The following NBEAL1 variants were observed in gnomAD, a reference collection of about 807,000 sequenced individuals.
NBEAL1 encodes the protein neurobeachin like 1.
A neutral mutation model predicts 351.3 loss-of-function variants in NBEAL1; 273 were observed. The observed-to-expected ratio is 0.78, with a 90% CI of 0.70 to 0.86. The LOEUF (loss-of-function observed/expected upper bound fraction) is 0.86. Ranked by LOEUF, NBEAL1 falls within the 40% of genes least tolerant of loss-of-function variation. The pLI is 0.00. For synonymous variants in NBEAL1, 1,050 were observed against 1,086.4 expected (o/e 0.97, Z 0.66); for missense variants, 2,961 against 3,201.3 (o/e 0.92, Z 1.81).
At chr2:203,018,213 G>A (rs1174092168) in intron 2 of NBEAL1, among the ~76,000 whole-genome samples, 1 of 150,030 alleles carries the variant, frequency 6.7e-6, no homozygotes, top group Admixed American at 6.6e-5. Flanking sequence ...TCTCACTCTA[G>A]CATTTAGCCT....
chr2:203,133,989 A>C (rs1185169749), intron 27 of NBEAL1, among the ~76,000 whole-genome samples: 1 of 152,060 alleles, frequency 6.6e-6, no homozygotes, highest in African/African-American at 2.4e-5. Flanking sequence ...TGCTGTTATG[A>C]ATGTCTTTTT....
chr2:203,123,262 G>C (rs1257412002), intron 19 of NBEAL1, among the ~76,000 whole-genome samples: 1 of 151,278 alleles, frequency 6.6e-6, no homozygotes. Context: ...TTAATTTCAT[G>C]TTATTCATGA....
At chr2:203,202,227 T>C (rs1026801272) in intron 50 of NBEAL1, among the ~76,000 whole-genome samples, 3 of 152,212 alleles carry the variant, frequency 2.0e-5, no homozygotes, top group African/African-American at 7.2e-5. Context: ...AATCCTAAGA[T>C]AACACTTACG....
rs2065431279 is a variant in NBEAL1, at chr2:203,202,620, A to G, written c.7412-67A>G. 3 of 885,838 alleles carry G rather than the reference A, an allele frequency of 3.4e-6. No individual in the cohort carries two copies. In the Admixed American group the frequency reaches 5.3e-5, roughly 16 times the overall value. 54.9% of individuals were successfully genotyped at this position (885,838 alleles called of 1,614,324 possible). A position where few individuals can be genotyped will look rare whatever the true frequency, so the allele number is the denominator to read the frequency against. On this transcript the variant is annotated intron_variant, in intron 50 of 55. Transcript: ENST00000683969. Reference sequence around the variant, plus strand: ...TAGGAATAGTTTGAACATTAACAAAAATTGCTCTTAAAGTTCTATTTTAGC... The same window carrying G: ...TAGGAATAGTTTGAACATTAACAAAGATTGCTCTTAAAGTTCTATTTTAGC...
intron 10 of NBEAL1, among the ~76,000 whole-genome samples, chr2:203,095,201 T>C (rs1248822082): frequency 6.6e-6 from 1 of 152,190 alleles, no homozygotes; most frequent in Non-Finnish European, 1.5e-5. Flanking sequence ...CATTACCTAG[T>C]CTTTACAGCT....
At chr2:203,213,007 G>A (rs1227042683) in intron 54 of NBEAL1, among the ~76,000 whole-genome samples, 1 of 152,102 alleles carries the variant, frequency 6.6e-6, no homozygotes, top group Non-Finnish European at 1.5e-5. Flanking sequence ...GTTTTAGGAA[G>A]AACACTAAGG....
chr2:203,109,810 G>A (rs539763466), intron 14 of NBEAL1, among the ~76,000 whole-genome samples: 21 of 152,208 alleles, frequency 1.4e-4, no homozygotes, highest in African/African-American at 2.2e-4. Flanking sequence ...ATGAGCCACC[G>A]CGCCTGGCCT....
rs1334304964 is a variant in NBEAL1 at position 203,180,394 on chromosome 2, A to AG, written c.6478dup (p.Asp2160GlyfsTer17). 1.2e-6 allele frequency: 2 copies of AG among 1,610,376 alleles called. No individual in the cohort carries two copies. The highest frequency in any genetic ancestry group is 2.7e-5 in the African/African-American group (2 of 74,794). On this transcript the variant is annotated frameshift_variant, in exon 43 of 56. Transcript: ENST00000683969. LOFTEE classifies it high-confidence loss of function. ...TTTCTACATGCAGGTTTGACTGTGCAGATCGACAGTTCCATTCTATTCCTG... is the reference window on the plus strand; with the variant it reads ...TTTCTACATGCAGGTTTGACTGTGCAGGATCGACAGTTCCATTCTATTCCTG...
chr2:203,030,649 A>G (rs1252190808), intron 2 of NBEAL1, among the ~76,000 whole-genome samples: 1 of 152,206 alleles, frequency 6.6e-6, no homozygotes, highest in Non-Finnish European at 1.5e-5. Flanking sequence ...TTCAGGGGAA[A>G]GTGCATGAGT....
intron 53 of NBEAL1, among the ~76,000 whole-genome samples, chr2:203,209,956 G>C (rs937137385): frequency 6.6e-6 from 1 of 151,956 alleles, no homozygotes; most frequent in African/African-American, 2.4e-5. Context: ...TCCCTACGTT[G>C]CCTAGGCTGG....
chr2:203,208,408 A>G (rs1257021347), intron 51 of NBEAL1, among the ~76,000 whole-genome samples: 2 of 152,242 alleles, frequency 1.3e-5, no homozygotes, highest in East Asian at 1.9e-4. Context: ...GACTGTCAAC[A>G]TTGCAAAAAT....
intron 29 of NBEAL1, among the ~76,000 whole-genome samples, chr2:203,137,072 C>T (rs749506466): frequency 7.2e-5 from 11 of 152,152 alleles, no homozygotes; most frequent in Non-Finnish European, 1.0e-4. Flanking sequence ...ACATTGTTTT[C>T]TACAGGCTTG....
chr2:203,076,910 G>A lies in NBEAL1; in HGVS notation c.599-842G>A, dbSNP rs963747119. On this transcript the variant is annotated intron_variant, in intron 7 of 55. Transcript: ENST00000683969. ...CCCAGCCTAGATGTCTCTTTACTAA[G>A]ACTATTACACCTCTCATTAGTAAAA... Among the ~76,000 whole-genome samples, 6 of 151,900 alleles carry A rather than the reference G, an allele frequency of 3.9e-5. No individual in the cohort carries two copies. In the South Asian group the frequency reaches 6.2e-4, roughly 16 times the overall value.
chr2:203,082,714 G>A (rs1559352891), intron 8 of NBEAL1, among the ~76,000 whole-genome samples: 1 of 152,114 alleles, frequency 6.6e-6, no homozygotes, highest in African/African-American at 2.4e-5. Flanking sequence ...GTTTCATTTT[G>A]CCTAAGAAAT....
chr2:203,102,762 A>C (rs185603479), intron 12 of NBEAL1, among the ~76,000 whole-genome samples: 2 of 152,144 alleles, frequency 1.3e-5, no homozygotes, highest in African/African-American at 4.8e-5. Flanking sequence ...ATTGGCCTGA[A>C]GTTTTCTTTA....
chr2:203,156,839 A>G, intron 35 of NBEAL1, among the ~76,000 whole-genome samples: 1 of 152,294 alleles, frequency 6.6e-6, no homozygotes. Context: ...GTCTTTATTC[A>G]TCAAGTTAAG....
chr2:203,205,872 C>G (rs1162480805), intron 51 of NBEAL1, among the ~76,000 whole-genome samples: 1 of 152,196 alleles, frequency 6.6e-6, no homozygotes. Context: ...GACTGATACT[C>G]ACAGGGAAAG....
intron 54 of NBEAL1, 88 bp from the exon 55 acceptor site, chr2:203,213,430 G>A (rs1008537937): frequency 4.1e-6 from 5 of 1,220,566 alleles, no homozygotes; most frequent in Non-Finnish European, 5.8e-6. Flanking sequence ...AGAACTAGAT[G>A]AGCATTAATT....
At chr2:203,069,830 A>C (rs2061651774) in intron 7 of NBEAL1, among the ~76,000 whole-genome samples, 1 of 151,898 alleles carries the variant, frequency 6.6e-6, no homozygotes, top group South Asian at 2.1e-4. Flanking sequence ...GCTAATATAA[A>C]AAAATTTTTT....
Sources: allele counts gnomAD v4.1 joint callset (sites outside exome capture counted in the v4.1 genomes callset), GRCh38; gene constraint gnomAD v4.1.1; transcripts MANE v1.5; gene names NCBI Gene and HGNC (gene_info 2026-07-23, HGNC 2026-07-21).